CHCHD6: variants seen among roughly 807,000 people sequenced by gnomAD.
CHCHD6 encodes the protein MICOS complex subunit MIC25.
A neutral mutation model predicts 32.3 loss-of-function variants in CHCHD6; 28 were observed. That is an observed-to-expected ratio of 0.87 (90% CI 0.64 to 1.19). The LOEUF (loss-of-function observed/expected upper bound fraction) is 1.19. Among genes scored for constraint, CHCHD6 ranks in the 50% most tolerant of loss-of-function variants. The pLI is 0.00. For missense variants in CHCHD6, 333 were observed against 307.0 expected, an observed-to-expected ratio of 1.08 and a Z score of -0.63; for synonymous variants, 122 against 117.5, an observed-to-expected ratio of 1.04 and a Z score of -0.25.
chr3:126,884,563 G>T (rs1408312478), intron 5 of CHCHD6, among the ~76,000 whole-genome samples: 1 of 152,168 alleles, frequency 6.6e-6, no homozygotes, highest in Non-Finnish European at 1.5e-5. Flanking sequence ...ACAAAAGCAG[G>T]TGTGTTGTTT....
intron 4 of CHCHD6, among the ~76,000 whole-genome samples, chr3:126,769,539 T>C (rs1235715336): frequency 1.3e-5 from 2 of 152,210 alleles, no homozygotes; most frequent in Non-Finnish European, 2.9e-5. Flanking sequence ...AGTCTCACTC[T>C]GTTGCCCACG....
chr3:126,872,373 T>A (rs1028015505), intron 5 of CHCHD6, among the ~76,000 whole-genome samples: 1 of 152,150 alleles, frequency 6.6e-6, no homozygotes, highest in African/African-American at 2.4e-5. Context: ...CTGCTCTATT[T>A]TTTTTTAAGT....
intron 6 of CHCHD6, among the ~76,000 whole-genome samples, chr3:126,931,104 G>A (rs1281364785): frequency 6.6e-6 from 1 of 152,202 alleles, no homozygotes; most frequent in Non-Finnish European, 1.5e-5. Context: ...GGCCTTGGTG[G>A]AGCAGGGCGC....
intron 5 of CHCHD6, among the ~76,000 whole-genome samples, chr3:126,858,307 C>CG (rs1170208484): frequency 2.4e-3 from 7 of 2,968 alleles, no homozygotes; most frequent in Admixed American, 0.012. Context: ...GGGGCGGGGG[C>CG]GGGGGGGAGG....
At chr3:126,755,650 T>C (rs886094251) in intron 4 of CHCHD6, among the ~76,000 whole-genome samples, 1 of 152,188 alleles carries the variant, frequency 6.6e-6, no homozygotes, top group South Asian at 2.1e-4. Flanking sequence ...CTTAAAAAAA[T>C]AGAACATTCT....
intron 4 of CHCHD6, among the ~76,000 whole-genome samples, chr3:126,840,786 C>T (rs1941041232): frequency 6.6e-6 from 1 of 152,092 alleles, no homozygotes; most frequent in South Asian, 2.1e-4. Flanking sequence ...TCTTATTTAA[C>T]TTCACTGCAA....
intron 4 of CHCHD6, among the ~76,000 whole-genome samples, chr3:126,799,514 C>T (rs1033571631): frequency 7.2e-5 from 11 of 152,142 alleles, no homozygotes; most frequent in African/African-American, 2.2e-4. Context: ...ACAAACAGGA[C>T]GTGAAGAGAT....
chr3:126,799,665 C>G (rs531684687), intron 4 of CHCHD6, among the ~76,000 whole-genome samples: 1 of 152,306 alleles, frequency 6.6e-6, no homozygotes, highest in South Asian at 2.1e-4. Context: ...AGTATCATAG[C>G]ATAGCTACAG....
At chr3:126,732,099 G>GA (rs1054146412) in intron 3 of CHCHD6, among the ~76,000 whole-genome samples, 8 of 127,844 alleles carry the variant, frequency 6.3e-5, no homozygotes, top group African/African-American at 2.4e-4. Context: ...AAAAAAAAAA[G>GA]AGGAAAAAAA....
chr3:126,864,677 T>TCTC (rs1289972666), intron 5 of CHCHD6, among the ~76,000 whole-genome samples: 4 of 109,288 alleles, frequency 3.7e-5, no homozygotes, highest in South Asian at 7.7e-4. Flanking sequence ...TCCACCATCA[T>TCTC]CTCCTCCTCC....
At position 126,744,773 on chromosome 3, in the gene CHCHD6, C is replaced by T. The variant is rs752051396; in HGVS notation, c.411+11551C>T. On this transcript the variant is annotated intron_variant, in intron 4 of 7. Transcript: ENST00000290913. The stretch of plus-strand genomic sequence containing the variant: ...TGCGATCTCAGCTCACTGCAACCTC[C>T]GCCTCCTGGGTTCAAGTGATTCTCC... Among the ~76,000 whole-genome samples, 115 of 152,196 alleles carry T rather than the reference C, an allele frequency of 7.6e-4. 1 individual carries two copies. The highest frequency in any genetic ancestry group is 1.2e-3 in the Non-Finnish European group (80 of 67,998).
At chr3:126,943,081 T>C (rs1023486670) in intron 6 of CHCHD6, among the ~76,000 whole-genome samples, 2 of 152,180 alleles carry the variant, frequency 1.3e-5, no homozygotes, top group Non-Finnish European at 2.9e-5. Context: ...ATCAGTGAAC[T>C]TTTGTTTCAA....
intron 4 of CHCHD6, among the ~76,000 whole-genome samples, chr3:126,751,127 G>A (rs564812529): frequency 2.0e-5 from 3 of 151,280 alleles, no homozygotes; most frequent in Admixed American, 6.6e-5. Flanking sequence ...AGGCCTTGCC[G>A]GGCCTCTGGG....
intron 4 of CHCHD6, among the ~76,000 whole-genome samples, chr3:126,753,797 G>C (rs1936834437): frequency 6.6e-6 from 1 of 152,184 alleles, no homozygotes; most frequent in Admixed American, 6.5e-5. Context: ...GGGTGGCAGT[G>C]GGCACCAAGG....
intron 4 of CHCHD6, among the ~76,000 whole-genome samples, chr3:126,793,367 G>A (rs377322181): frequency 3.3e-5 from 5 of 151,980 alleles, no homozygotes; most frequent in South Asian, 2.1e-4. Context: ...AATCAGAAGC[G>A]TTTTGAAATA....
At chr3:126,857,374 G>T (rs539171433) in intron 5 of CHCHD6, among the ~76,000 whole-genome samples, 1 of 152,262 alleles carries the variant, frequency 6.6e-6, no homozygotes, top group South Asian at 2.1e-4. Flanking sequence ...ATTCTTCCTG[G>T]ACTTTGTCTC....
At chr3:126,744,357 G>A (rs1936406322) in intron 4 of CHCHD6, among the ~76,000 whole-genome samples, 1 of 152,226 alleles carries the variant, frequency 6.6e-6, no homozygotes, top group Admixed American at 6.5e-5. Flanking sequence ...TGCCATTGCT[G>A]GCTACTGGCA....
chr3:126,740,323 C>T, intron 4 of CHCHD6, among the ~76,000 whole-genome samples: 1 of 152,180 alleles, frequency 6.6e-6, no homozygotes, highest in East Asian at 1.9e-4. Context: ...CTGCACTGCT[C>T]ACAGACTTCA....
chr3:126,768,344 C>A (rs1033649643), intron 4 of CHCHD6, among the ~76,000 whole-genome samples: 1 of 152,184 alleles, frequency 6.6e-6, no homozygotes, highest in Non-Finnish European at 1.5e-5. Context: ...TTGGAAACTT[C>A]CTGAGGTCTC....
Sources: gnomAD v4.1 joint callset for allele counts (sites outside exome capture counted in the v4.1 genomes callset) on GRCh38, gnomAD v4.1.1 for gene constraint, MANE v1.5 for transcripts, NCBI Gene and HGNC (gene_info 2026-07-23, HGNC 2026-07-21) for gene names.